FARP1: variants seen among roughly 807,000 people sequenced by gnomAD.
FARP1 encodes the protein FERM, ARHGEF and pleckstrin domain-containing protein 1.
Under a neutral mutation model 128.8 loss-of-function variants are expected in FARP1, and 52 were observed. That is an observed-to-expected ratio of 0.40 (90% confidence interval 0.32 to 0.51). The LOEUF is 0.51. Ranked by LOEUF, FARP1 falls within the 20% of genes least tolerant of loss-of-function variation. The pLI, the probability that FARP1 is intolerant of heterozygous loss-of-function variation, is 0.45. For missense variants in FARP1, 1,333 were observed against 1,367.9 expected, an observed-to-expected ratio of 0.97 and a Z score of 0.40; for synonymous variants, 580 against 551.8, an observed-to-expected ratio of 1.05 and a Z score of -0.72.
chr13:98,202,237 A>G (rs1879999254), intron 1 of FARP1, among the ~76,000 whole-genome samples: 1 of 151,934 alleles, frequency 6.6e-6, no homozygotes, highest in Non-Finnish European at 1.5e-5. Flanking sequence ...TCCGGCTCAT[A>G]AGAGCAGAGC....
intron 1 of FARP1, among the ~76,000 whole-genome samples, chr13:98,190,079 T>C (rs1879123995): frequency 6.6e-6 from 1 of 152,224 alleles, no homozygotes; most frequent in Non-Finnish European, 1.5e-5. Flanking sequence ...GTTGGTTCTC[T>C]TGACCCTGTC....
intron 16 of FARP1, among the ~76,000 whole-genome samples, chr13:98,417,455 G>GGGGAAAAAAAAAA (rs1491453247): frequency 3.4e-5 from 2 of 58,480 alleles, no homozygotes; most frequent in African/African-American, 1.1e-4. Flanking sequence ...CCAGAGGTTT[G>GGGGAAAAAAAAAA]AAAAAAAAAA....
chr13:98,152,700 A>AT, intron 1 of FARP1, among the ~76,000 whole-genome samples: 1 of 152,158 alleles, frequency 6.6e-6, no homozygotes, highest in East Asian at 1.9e-4. Context: ...TAATTGGGAG[A>AT]TTTTATCTTT....
intron 8 of FARP1, among the ~76,000 whole-genome samples, chr13:98,386,268 T>A (rs1194117905): frequency 6.8e-6 from 1 of 148,020 alleles, no homozygotes; most frequent in Admixed American, 7.0e-5. Flanking sequence ...ACTTAAAGAG[T>A]GTTAGGCACA....
intron 1 of FARP1, among the ~76,000 whole-genome samples, chr13:98,161,437 G>T (rs543366427): frequency 6.6e-6 from 1 of 151,848 alleles, no homozygotes; most frequent in South Asian, 2.1e-4. Flanking sequence ...GGCTGGTCTC[G>T]ATCTCCTGAC....
intron 18 of FARP1, chr13:98,434,350 G>A (rs1892167517): frequency 6.6e-6 from 1 of 152,188 alleles, no homozygotes; most frequent in African/African-American, 2.4e-5. Context: ...AATCGAGCAA[G>A]GCCTGGGATT....
intron 2 of FARP1, among the ~76,000 whole-genome samples, chr13:98,271,697 T>C (rs1230889262): frequency 1.3e-5 from 2 of 152,200 alleles, no homozygotes; most frequent in Non-Finnish European, 2.9e-5. Context: ...TTGCTGAGAA[T>C]GATGGTTTCC....
intron 2 of FARP1, among the ~76,000 whole-genome samples, chr13:98,318,212 C>A (rs1248738331): frequency 6.7e-6 from 1 of 148,454 alleles, no homozygotes; most frequent in Non-Finnish European, 1.5e-5. Context: ...TGCACCACCA[C>A]ACCTGGCTAA....
At chr13:98,310,802 TTTGTC>T (rs1428383170) in intron 2 of FARP1, among the ~76,000 whole-genome samples, 1 of 149,686 alleles carries the variant, frequency 6.7e-6, no homozygotes, top group African/African-American at 2.5e-5. Flanking sequence ...TTTGATTTTA[TTTGTC>T]TTAAGTTTCC....
chr13:98,175,145 T>G (rs1877913001), intron 1 of FARP1, among the ~76,000 whole-genome samples: 2 of 152,228 alleles, frequency 1.3e-5, no homozygotes, highest in South Asian at 2.1e-4. Flanking sequence ...AGGAAGTATG[T>G]GAGACATGGT....
chr13:98,305,461 A>G (rs1486090300), intron 2 of FARP1, among the ~76,000 whole-genome samples: 3 of 151,758 alleles, frequency 2.0e-5, no homozygotes, highest in Non-Finnish European at 4.4e-5. Context: ...AGCCTCCCGA[A>G]TAGCTGGGAT....
At position 98,377,934 on chromosome 13, in the gene FARP1, T is replaced by A. The variant is rs750428954; in HGVS notation, c.496+16T>A. Reference sequence around the variant, plus strand: ...ATTGTGCAATGTAAGTTCTATTGGTTTCCTTTGAAAATCATGTTCAAAATA... The same window carrying A: ...ATTGTGCAATGTAAGTTCTATTGGTATCCTTTGAAAATCATGTTCAAAATA... On this transcript the variant is annotated intron_variant, in intron 6 of 26. Coordinates refer to ENST00000319562, the MANE Select transcript of FARP1 (RefSeq NM_005766.4). 6.4e-7 allele frequency: 1 copy of A among 1,567,524 alleles called. No homozygotes were observed. Among genetic ancestry groups the A allele is most frequent in the South Asian group, 1.1e-5 (1 of 89,918 alleles).
At chr13:98,414,920 T>C (rs984873429) in intron 16 of FARP1, among the ~76,000 whole-genome samples, 1 of 152,256 alleles carries the variant, frequency 6.6e-6, no homozygotes, top group Non-Finnish European at 1.5e-5. Context: ...GGAAAGGGCA[T>C]ACGCATCTTC....
chr13:98,247,706 C>T (rs796863686), intron 2 of FARP1, among the ~76,000 whole-genome samples: 23 of 152,284 alleles, frequency 1.5e-4, no homozygotes, highest in East Asian at 5.8e-4. Flanking sequence ...CCACCTTCAA[C>T]GGATTCCAGG....
chr13:98,397,655 A>G (rs1484215756), intron 13 of FARP1: 1 of 152,120 alleles, frequency 6.6e-6, no homozygotes, highest in East Asian at 1.9e-4. Flanking sequence ...AAAATTAGTG[A>G]TGCCGGGACC....
chr13:98,427,515 C>T (rs1035195324), intron 17 of FARP1, among the ~76,000 whole-genome samples: 1 of 152,220 alleles, frequency 6.6e-6, no homozygotes, highest in Non-Finnish European at 1.5e-5. Flanking sequence ...CCTTTGGGGA[C>T]AGCAGCAGAG....
rs143726717 is a variant in FARP1, at chr13:98,174,513, A to C, written c.-24+31021A>C. 5.8e-4 allele frequency among the ~76,000 whole-genome samples: 88 copies of C among 152,340 alleles called. No individual in the cohort carries two copies. The East Asian group carries it at 0.013, about 23-fold the overall frequency. Reference sequence around the variant, plus strand: ...GTTTTTGGAAGGCTTGAAAGTGAATAAAATAGCCCTTTGACAGAACTGACA... The same window carrying C: ...GTTTTTGGAAGGCTTGAAAGTGAATCAAATAGCCCTTTGACAGAACTGACA... On this transcript the variant is annotated intron_variant, in intron 1 of 26. Coordinates refer to ENST00000319562, the MANE Select transcript of FARP1 (RefSeq NM_005766.4).
At chr13:98,344,921 T>C (rs1439429036) in intron 3 of FARP1, among the ~76,000 whole-genome samples, 2 of 152,152 alleles carry the variant, frequency 1.3e-5, no homozygotes, top group Non-Finnish European at 2.9e-5. Flanking sequence ...CTGCCAAATC[T>C]CATTCTGCCT....
intron 2 of FARP1, among the ~76,000 whole-genome samples, chr13:98,319,481 G>A (rs1204727344): frequency 6.6e-6 from 1 of 152,096 alleles, no homozygotes; most frequent in African/African-American, 2.4e-5. Flanking sequence ...TTAGCCAGGC[G>A]TGGTAGCAGG....
Sources: gnomAD v4.1 joint callset for allele counts (sites outside exome capture counted in the v4.1 genomes callset) on GRCh38, gnomAD v4.1.1 for gene constraint, MANE v1.5 for transcripts, NCBI Gene and HGNC (gene_info 2026-07-23, HGNC 2026-07-21) for gene names.